The following ACSBG1 variants were observed in gnomAD, a reference collection of about 807,000 sequenced individuals.
ACSBG1 encodes the protein long-chain-fatty-acid--CoA ligase ACSBG1.
A neutral mutation model predicts 80.2 loss-of-function variants in ACSBG1; 39 were observed. The ratio of observed to expected loss-of-function variants is 0.49; its 90% CI spans 0.38 to 0.64. ACSBG1 has a LOEUF of 0.64. Ranked by LOEUF, ACSBG1 falls within the 30% of genes least tolerant of loss-of-function variation. ACSBG1 has a pLI of 0.00. For synonymous variants in ACSBG1, 392 were observed against 379.5 expected (o/e 1.03, Z -0.38); for missense variants, 828 against 966.4 (o/e 0.86, Z 1.90).
chr15:78,183,177 T>A (rs539132039), intron 5 of ACSBG1, among the ~76,000 whole-genome samples: 1 of 152,298 alleles, frequency 6.6e-6, no homozygotes, highest in African/African-American at 2.4e-5. Flanking sequence ...CTAGGATATA[T>A]TATTAAGTGA....
intron 2 of ACSBG1, among the ~76,000 whole-genome samples, chr15:78,198,570 A>T: frequency 6.7e-6 from 1 of 149,676 alleles, no homozygotes; most frequent in South Asian, 2.1e-4. Flanking sequence ...CTGGTCTTGA[A>T]CTCCTGACCT....
intron 1 of ACSBG1, among the ~76,000 whole-genome samples, chr15:78,208,934 T>A (rs2075242967): frequency 6.6e-6 from 1 of 152,236 alleles, no homozygotes; most frequent in South Asian, 2.1e-4. Flanking sequence ...GTACACACTT[T>A]AGGACTGCAA....
In ACSBG1 at chr15:78,179,547, C is replaced by T. The variant is rs764901918; in HGVS notation, c.1484+3G>A. ...GCATGTGTGTGGCAGCCTCGAGCCT[C>T]ACCTGTACAGCCGGTAGTTGTAGGG... On this transcript the variant is annotated splice_donor_region_variant and intron_variant, in intron 10 of 13. Transcript: ENST00000258873. 6.2e-7 allele frequency: 1 copy of T among 1,610,508 alleles called. No individual in the cohort carries two copies. The highest frequency in any genetic ancestry group is 2.2e-5 in the East Asian group (1 of 44,758).
chr15:78,216,601 C>T lies in ACSBG1; in HGVS notation c.132-8499G>A, dbSNP rs187962860. 5.4e-3 allele frequency among the ~76,000 whole-genome samples: 823 copies of T among 152,170 alleles called. 13 individuals are homozygous for T. Among genetic ancestry groups the T allele is most frequent in the African/African-American group, 0.019 (797 of 41,522 alleles). ...CAGGGGTGGTTTAAGACATATCCCC[C>T]TAGAATCCACTAGGAAGAACATATT... is the stretch of plus-strand genomic sequence containing the variant. On this transcript the variant is annotated intron_variant, in intron 1 of 13. Coordinates refer to ENST00000258873, the MANE Select transcript of ACSBG1 (RefSeq NM_015162.5).
Position 78,169,325 on chromosome 15 carries a change from G to A in ACSBG1, c.*2119C>T. ...AAGTTAAAATAGTTTCTCTTCAGCTGTAAATAACAGGATACAGAATTAACA... is the reference window on the plus strand; with the variant it reads ...AAGTTAAAATAGTTTCTCTTCAGCTATAAATAACAGGATACAGAATTAACA... On this transcript the variant is annotated 3_prime_UTR_variant, in exon 14 of 14. Coordinates refer to ENST00000258873, the MANE Select transcript of ACSBG1 (RefSeq NM_015162.5). 5.4e-6 allele frequency: 1 copy of A among 185,456 alleles called. No individual in the cohort carries two copies. Among genetic ancestry groups the A allele is most frequent in the Non-Finnish European group, 1.1e-5 (1 of 90,576 alleles). 11.5% of individuals were successfully genotyped at this position (185,456 alleles called of 1,614,324 possible).
chr15:78,182,379 T>C, intron 7 of ACSBG1, 87 bp downstream of exon 7: 2 of 1,542,874 alleles, frequency 1.3e-6, no homozygotes, highest in Non-Finnish European at 1.7e-6. Context: ...CAAGGAGCTT[T>C]CCCAGGGGCT....
At chr15:78,174,656 G>A in intron 11 of ACSBG1, 132 bp from the exon 12 acceptor site, 1 of 1,110,648 alleles carries the variant, frequency 9.0e-7, no homozygotes, top group Non-Finnish European at 1.3e-6. Flanking sequence ...GAGCCAAGAA[G>A]CAGTGGCAGG....
At chr15:78,207,925 A>ACCCCCCCCC in intron 2 of ACSBG1, 77 bp downstream of exon 2, 26 of 454,962 alleles carry the variant, frequency 5.7e-5, no homozygotes, top group East Asian at 1.2e-4. Context: ...GGTCCCCCAC[A>ACCCCCCCCC]CCACCCACCC....
intron 1 of ACSBG1, among the ~76,000 whole-genome samples, chr15:78,218,710 G>T (rs1468524995): frequency 6.6e-6 from 1 of 151,516 alleles, no homozygotes; most frequent in Non-Finnish European, 1.5e-5. Flanking sequence ...CTTGCTAAAG[G>T]TTATACAGAT....
At chr15:78,201,162 A>C (rs779192185) in intron 2 of ACSBG1, among the ~76,000 whole-genome samples, 14 of 152,120 alleles carry the variant, frequency 9.2e-5, no homozygotes, top group Admixed American at 3.9e-4. Flanking sequence ...ACCACCCTGG[A>C]GCTCTGGAAG....
At chr15:78,233,339 A>T (rs1488528475) in intron 1 of ACSBG1, among the ~76,000 whole-genome samples, 2 of 152,092 alleles carry the variant, frequency 1.3e-5, no homozygotes, top group Non-Finnish European at 2.9e-5. Context: ...GCGCATTAAC[A>T]TCTGTTCCCA....
At chr15:78,199,407 A>G (rs1457394379) in intron 2 of ACSBG1, among the ~76,000 whole-genome samples, 2 of 151,692 alleles carry the variant, frequency 1.3e-5, no homozygotes, top group East Asian at 4.0e-4. Flanking sequence ...TACGCAAAAA[A>G]CTACAGGCCA....
chr15:78,226,915 T>C (rs2075408608), intron 1 of ACSBG1, among the ~76,000 whole-genome samples: 1 of 150,014 alleles, frequency 6.7e-6, no homozygotes. Context: ...AAAAAAAATT[T>C]GCTCATCAAA....
intron 7 of ACSBG1, 76 bp from the exon 8 acceptor site, chr15:78,182,221 G>A: frequency 6.5e-7 from 1 of 1,543,722 alleles, no homozygotes; most frequent in South Asian, 1.2e-5. Flanking sequence ...GGCCACCCTG[G>A]GGGCCAGCCC....
At chr15:78,208,237 G>A in intron 1 of ACSBG1, 135 bp from the exon 2 acceptor site, 1 of 692,488 alleles carries the variant, frequency 1.4e-6, no homozygotes, top group Non-Finnish European at 2.6e-6. Flanking sequence ...CAAATGCTGG[G>A]GCCATCCACA....
At chr15:78,179,016 T>G in intron 10 of ACSBG1, 185 bp from the exon 11 acceptor site, 2 of 608,954 alleles carry the variant, frequency 3.3e-6, no homozygotes, top group Non-Finnish European at 5.7e-6. Flanking sequence ...TTTTAGGGAA[T>G]GAAGGAAGGA....
In ACSBG1 at chr15:78,185,073, G is replaced by C. The variant is rs1444159730; in HGVS notation, c.664-2288C>G. ...GGAGGGAGAGAGAGAGAGAGAGAGA[G>C]AGAGAGAGGAATACAGAACCCAGTT... On this transcript the variant is annotated intron_variant, in intron 5 of 13. Coordinates refer to ENST00000258873, the MANE Select transcript of ACSBG1 (RefSeq NM_015162.5). Among the ~76,000 whole-genome samples the C allele has an allele frequency of 2.6e-5, 4 of 151,860 alleles. 1 individual carries two copies. Among genetic ancestry groups the C allele is most frequent in the Admixed American group, 2.6e-4 (4 of 15,246 alleles).
intron 1 of ACSBG1, among the ~76,000 whole-genome samples, chr15:78,215,053 T>C (rs1210662669): frequency 6.6e-6 from 1 of 151,914 alleles, no homozygotes; most frequent in Non-Finnish European, 1.5e-5. Context: ...CCCCCATCAA[T>C]GCACTTTGCA....
At position 78,169,861 on chromosome 15, in the gene ACSBG1, T is replaced by C. The variant is rs2074798040; in HGVS notation, c.*1583A>G. On this transcript the variant is annotated 3_prime_UTR_variant, in exon 14 of 14. Transcript: ENST00000258873. ...TGTATTGTAAACTTATTCTTGCATG[T>C]TGCTGTCTGGGAATGGACCACACTA... The C allele has an allele frequency of 6.6e-6, 1 of 152,228 alleles. No homozygotes were observed. Among genetic ancestry groups the C allele is most frequent in the South Asian group, 2.1e-4 (1 of 4,834 alleles). The allele number at this position is 152,228 out of a possible 1,614,324, so 9.4% of individuals were successfully genotyped here.
Sources: gnomAD v4.1 joint callset for allele counts (sites outside exome capture counted in the v4.1 genomes callset) on GRCh38, gnomAD v4.1.1 for gene constraint, MANE v1.5 for transcripts, NCBI Gene and HGNC (gene_info 2026-07-23, HGNC 2026-07-21) for gene names.